OPCML: variants seen among roughly 807,000 people sequenced by gnomAD.
OPCML encodes opioid binding protein/cell adhesion molecule like, also known as opioid-binding protein/cell adhesion molecule.
A neutral mutation model predicts 37.8 loss-of-function variants in OPCML; 13 were observed. The ratio of observed to expected loss-of-function variants is 0.34; its 90% confidence interval spans 0.22 to 0.55. The LOEUF is 0.55. OPCML is among the 20% of genes least tolerant of loss of function. The probability of loss-of-function intolerance (pLI) is 0.91; values close to 1 mark genes in which losing one functional copy is unlikely to be tolerated. For synonymous variants in OPCML, 176 were observed against 168.8 expected, an observed-to-expected ratio of 1.04 and a Z score of -0.33; for missense variants, 341 against 435.6, an observed-to-expected ratio of 0.78 and a Z score of 1.93.
intron 3 of OPCML, among the ~76,000 whole-genome samples, chr11:132,560,691 G>A (rs918728357): frequency 6.6e-6 from 1 of 152,174 alleles, no homozygotes; most frequent in Non-Finnish European, 1.5e-5. Context: ...GTGACGTGGA[G>A]CATTTTTCCA....
chr11:132,700,576 A>G (rs1182372925), intron 2 of OPCML, among the ~76,000 whole-genome samples: 1 of 152,112 alleles, frequency 6.6e-6, no homozygotes, highest in African/African-American at 2.4e-5. Flanking sequence ...AAATTTCCAA[A>G]TATTTGTGAG....
intron 1 of OPCML, among the ~76,000 whole-genome samples, chr11:133,313,798 T>C (rs1191711447): frequency 6.6e-6 from 1 of 152,126 alleles, no homozygotes; most frequent in Admixed American, 6.5e-5. Flanking sequence ...TAGATTTCTG[T>C]GCTATAAAAC....
intron 2 of OPCML, among the ~76,000 whole-genome samples, chr11:132,793,125 C>G (rs1427848646): frequency 1.3e-5 from 2 of 152,094 alleles, no homozygotes; most frequent in African/African-American, 4.8e-5. Flanking sequence ...GGGCCCTGGG[C>G]CGCTTGCGTG....
Position 132,491,694 on chromosome 11 carries a change from G to A in OPCML, c.505+37367C>T, listed in dbSNP as rs149108721. 2.4e-3 allele frequency among the ~76,000 whole-genome samples: 369 copies of A among 152,202 alleles called. 3 individuals carry two copies. Among genetic ancestry groups the A allele is most frequent in the African/African-American group, 8.6e-3 (357 of 41,534 alleles). ...TACATGCTAAGCCTTCGCTTTGAGC[G>A]AGGCACTGTTCTAGGGGTGGGGTCT... On this transcript the variant is annotated intron_variant, in intron 4 of 7. Transcript: ENST00000524381.
At position 133,359,262 on chromosome 11, in the gene OPCML, C is replaced by G. The variant is rs894708257; in HGVS notation, c.61+173002G>C. Among the ~76,000 whole-genome samples the G allele has an allele frequency of 2.6e-5, 4 of 152,242 alleles. 1 individual carries two copies. Among genetic ancestry groups the G allele is most frequent in the Middle Eastern group, 6.8e-3 (2 of 294 alleles). ...TCCTCATCTTCGTTTATTCTCCAGC[C>G]GTACTCATCAATGTCTATGTCTGTG... On this transcript the variant is annotated intron_variant, in intron 1 of 7. Transcript: ENST00000524381.
At chr11:132,656,940 A>C (rs1941737350) in intron 3 of OPCML, 147 bp downstream of exon 3, 1 of 1,408,974 alleles carries the variant, frequency 7.1e-7, no homozygotes, top group Admixed American at 2.8e-5. Flanking sequence ...ATTCGATGGG[A>C]AACATTCCAA....
chr11:132,676,165 A>C, intron 2 of OPCML, among the ~76,000 whole-genome samples: 1 of 152,190 alleles, frequency 6.6e-6, no homozygotes, highest in East Asian at 1.9e-4. Flanking sequence ...ATTTTTGACA[A>C]TAGTGCCAAG....
intron 3 of OPCML, among the ~76,000 whole-genome samples, chr11:132,621,968 T>C (rs1235580933): frequency 6.6e-6 from 1 of 152,142 alleles, no homozygotes; most frequent in East Asian, 1.9e-4. Context: ...GGTTTCCAAT[T>C]ATTGAAATAG....
intron 4 of OPCML, among the ~76,000 whole-genome samples, chr11:132,477,681 A>T (rs2096161794): frequency 6.6e-6 from 1 of 152,240 alleles, no homozygotes; most frequent in Non-Finnish European, 1.5e-5. Context: ...ATCGGGAATG[A>T]ACATATGTTT....
At chr11:132,431,897 G>A (rs1193780391) in intron 7 of OPCML, among the ~76,000 whole-genome samples, 4 of 152,156 alleles carry the variant, frequency 2.6e-5, no homozygotes, top group Admixed American at 6.5e-5. Flanking sequence ...AGGAGCATAC[G>A]GGTTGCAAAT....
intron 1 of OPCML, among the ~76,000 whole-genome samples, chr11:133,529,755 G>A: frequency 6.6e-6 from 1 of 152,154 alleles, no homozygotes; most frequent in East Asian, 1.9e-4. Context: ...ATTAATCCCT[G>A]TGGGAGAAAA....
chr11:132,600,839 CTTTTTTT>C (rs145586468), intron 3 of OPCML, among the ~76,000 whole-genome samples: 36 of 94,566 alleles, frequency 3.8e-4, no homozygotes, highest in African/African-American at 1.3e-3. Context: ...AAATAGTTAA[CTTTTTTT>C]TTTTTTTTTT....
intron 1 of OPCML, among the ~76,000 whole-genome samples, chr11:133,193,281 A>G (rs1188350963): frequency 2.6e-5 from 4 of 152,194 alleles, no homozygotes; most frequent in African/African-American, 4.8e-5. Flanking sequence ...GCTTCTTTTT[A>G]GTTGGCCAAG....
In OPCML at chr11:132,559,036, T is replaced by G. The variant is rs548913504; in HGVS notation, c.380-29850A>C. Among the ~76,000 whole-genome samples the G allele has an allele frequency of 5.3e-5, 8 of 152,056 alleles. No homozygotes were observed. In the South Asian group the frequency reaches 1.7e-3, roughly 32 times the overall value. ...CAGTTCCAATCAGTGATCCATAGAATGATGACTTCCATGTATATTTAGTTT... is the reference window on the plus strand; with the variant it reads ...CAGTTCCAATCAGTGATCCATAGAAGGATGACTTCCATGTATATTTAGTTT... On this transcript the variant is annotated intron_variant, in intron 3 of 7. Transcript: ENST00000524381.
chr11:133,055,207 T>C (rs1442982797), intron 1 of OPCML, among the ~76,000 whole-genome samples: 5 of 131,298 alleles, frequency 3.8e-5, no homozygotes, highest in African/African-American at 8.9e-5. Flanking sequence ...GTGGTGAGAC[T>C]CCATGAGGGA....
chr11:132,579,052 G>T (rs2096456818), intron 3 of OPCML, among the ~76,000 whole-genome samples: 1 of 152,180 alleles, frequency 6.6e-6, no homozygotes. Context: ...AACTGAAAAT[G>T]CACCCTGACT....
intron 1 of OPCML, among the ~76,000 whole-genome samples, chr11:133,222,204 A>T (rs891192644): frequency 1.3e-5 from 2 of 152,176 alleles, no homozygotes; most frequent in Non-Finnish European, 1.5e-5. Context: ...CCTGCAGATG[A>T]CCAGGTCACC....
chr11:133,083,144 GCA>G (rs139577478), intron 1 of OPCML, among the ~76,000 whole-genome samples: 1 of 149,342 alleles, frequency 6.7e-6, no homozygotes, highest in Admixed American at 6.6e-5. Flanking sequence ...GCACACACAC[GCA>G]CACACACACA....
At chr11:133,157,206 G>A (rs890035961) in intron 1 of OPCML, among the ~76,000 whole-genome samples, 2 of 152,156 alleles carry the variant, frequency 1.3e-5, no homozygotes, top group African/African-American at 4.8e-5. Context: ...GGTGTACTGC[G>A]GGCACCACGG....
Sources: allele counts gnomAD v4.1 joint callset (sites outside exome capture counted in the v4.1 genomes callset), GRCh38; gene constraint gnomAD v4.1.1; transcripts MANE v1.5; gene names NCBI Gene and HGNC (gene_info 2026-07-23, HGNC 2026-07-21).